ECT2L: variants seen among roughly 807,000 people sequenced by gnomAD.
ECT2L encodes the protein epithelial cell-transforming sequence 2 oncogene-like.
Under a neutral mutation model 122.8 loss-of-function variants are expected in ECT2L, and 126 were observed. That is an observed-to-expected ratio of 1.03 (90% CI 0.89 to 1.19). ECT2L has a LOEUF of 1.19. Ranked by LOEUF, ECT2L falls within the 50% of genes most tolerant of loss-of-function variation. ECT2L has a pLI of 0.00. For missense variants in ECT2L, 1,012 were observed against 1,064.1 expected, an observed-to-expected ratio of 0.95 and a Z score of 0.68; for synonymous variants, 385 against 381.8, an observed-to-expected ratio of 1.01 and a Z score of -0.10.
At position 138,844,402 on chromosome 6, in the gene ECT2L, T is replaced by C. The variant is rs1465909558; in HGVS notation, c.596-10T>C. ...GTAATCAGCCCCGCCTGCTGTTCTT[T>C]GTTTTTCAGAGGAGTTATTCAAAGT... On this transcript the variant is annotated splice_polypyrimidine_tract_variant and intron_variant, in intron 6 of 21. Transcript: ENST00000541398. 6.2e-7 allele frequency: 1 copy of C among 1,612,206 alleles called. No homozygotes were observed. Among genetic ancestry groups the C allele is most frequent in the Admixed American group, 1.7e-5 (1 of 59,982 alleles).
At chr6:138,821,054 G>A (rs1483083368) in intron 4 of ECT2L, among the ~76,000 whole-genome samples, 1 of 152,210 alleles carries the variant, frequency 6.6e-6, no homozygotes, top group Non-Finnish European at 1.5e-5. Flanking sequence ...AGGCGTGGGT[G>A]ACCTGAAAGC....
chr6:138,800,596 T>G (rs1404119284), intron 1 of ECT2L, among the ~76,000 whole-genome samples: 1 of 152,238 alleles, frequency 6.6e-6, no homozygotes, highest in African/African-American at 2.4e-5. Context: ...TAAGCTTATT[T>G]TACCATATGA....
At chr6:138,862,223 G>A (rs1030458138) in intron 10 of ECT2L, among the ~76,000 whole-genome samples, 2 of 152,184 alleles carry the variant, frequency 1.3e-5, no homozygotes, top group African/African-American at 2.4e-5. Context: ...AAAGAGAAGA[G>A]GTTTAATTAC....
At chr6:138,900,146 AAT>A (rs1362414617) in intron 20 of ECT2L, among the ~76,000 whole-genome samples, 1 of 152,218 alleles carries the variant, frequency 6.6e-6, no homozygotes, top group East Asian at 1.9e-4. Flanking sequence ...CAAAAGTAAA[AAT>A]GTTTATATTT....
chr6:138,895,249 A>C (rs1779169147), intron 20 of ECT2L, among the ~76,000 whole-genome samples: 1 of 152,206 alleles, frequency 6.6e-6, no homozygotes, highest in Admixed American at 6.5e-5. Flanking sequence ...ACTTAGAGGA[A>C]ACATACTCTG....
chr6:138,859,230 T>C (rs576204034), intron 10 of ECT2L, among the ~76,000 whole-genome samples: 4 of 152,348 alleles, frequency 2.6e-5, no homozygotes, highest in South Asian at 2.1e-4. Context: ...ATCCGATCCA[T>C]GTATCAGTAT....
In ECT2L at chr6:138,813,415, T is replaced by C. The variant is rs1273582323; in HGVS notation, c.66+75T>C. ...TTCCTGTGATATATTGGGTCTCATG[T>C]TGCCACATTTTTAAAGAAAAACTCT... On this transcript the variant is annotated intron_variant, in intron 3 of 21. Transcript: ENST00000541398. The C allele has an allele frequency of 2.6e-6, 3 of 1,136,210 alleles. 1 individual carries two copies. In the South Asian group the frequency reaches 4.4e-5, roughly 17 times the overall value. The allele number at this position is 1,136,210 out of a possible 1,614,324, so 70.4% of individuals were successfully genotyped here. A position where few individuals can be genotyped will look rare whatever the true frequency, so the allele number is the denominator to read the frequency against.
intron 13 of ECT2L, among the ~76,000 whole-genome samples, chr6:138,870,897 C>T (rs1433613512): frequency 6.6e-6 from 1 of 152,022 alleles, no homozygotes; most frequent in Non-Finnish European, 1.5e-5. Flanking sequence ...ATCCCAGCTA[C>T]TCAGGAGGCT....
At chr6:138,869,822 C>A (rs10457680) in intron 13 of ECT2L, among the ~76,000 whole-genome samples, 41,750 of 152,148 alleles carry the variant, frequency 0.27, 6,730 homozygotes, top group Admixed American at 0.38. Flanking sequence ...TCTTCCTCCC[C>A]CTGAAAGACA....
At chr6:138,873,894 G>GTA (rs1554277007) in intron 13 of ECT2L, among the ~76,000 whole-genome samples, 5 of 145,816 alleles carry the variant, frequency 3.4e-5, no homozygotes, top group Middle Eastern at 3.3e-3. Context: ...GTGTGTGTGT[G>GTA]TGTGTGTGTG....
At chr6:138,875,784 A>G (rs575063653) in intron 13 of ECT2L, among the ~76,000 whole-genome samples, 117 of 152,274 alleles carry the variant, frequency 7.7e-4, no homozygotes, top group Non-Finnish European at 9.6e-4. Context: ...AAAATAACCT[A>G]TTTGCCCTCA....
At chr6:138,864,002 TAAAAAAAA>T (rs1172466449) in intron 11 of ECT2L, among the ~76,000 whole-genome samples, 9 of 55,872 alleles carry the variant, frequency 1.6e-4, no homozygotes, top group Admixed American at 1.3e-3. Context: ...TCTCCGTATT[TAAAAAAAA>T]AAAAAAAAAA....
At chr6:138,843,331 A>G in intron 6 of ECT2L, 100 bp downstream of exon 6, 1 of 1,208,238 alleles carries the variant, frequency 8.3e-7, no homozygotes, top group Non-Finnish European at 1.1e-6. Context: ...CTTTCGGAAT[A>G]CTCTGAGTGG....
At chr6:138,882,696 T>C in intron 15 of ECT2L, 28 bp from the exon 16 acceptor site, 1 of 1,609,540 alleles carries the variant, frequency 6.2e-7, no homozygotes, top group Non-Finnish European at 8.5e-7. Flanking sequence ...AGTGAATATT[T>C]CATGCTTATG....
At chr6:138,856,006 C>T (rs1777598058) in intron 10 of ECT2L, among the ~76,000 whole-genome samples, 1 of 152,112 alleles carries the variant, frequency 6.6e-6, no homozygotes, top group African/African-American at 2.4e-5. Flanking sequence ...ATTCTGGGCC[C>T]CGAAATTCTC....
chr6:138,854,132 C>T lies in ECT2L; in HGVS notation c.1176C>T (p.Phe392=). The change falls in exon 10 of 22, where the codon TTC becomes TTT. Residue 392 remains phenylalanine (F), a synonymous_variant. Transcript: ENST00000541398. ...ATEEEGGHVD[F]FVPLGASEAG... Reference sequence around the variant, plus strand: ...AAGAAGAAGGGGGTCACGTGGACTTCTTCGTGCCCCTTGGAGCATCAGGTT... The same window carrying T: ...AAGAAGAAGGGGGTCACGTGGACTTTTTCGTGCCCCTTGGAGCATCAGGTT... The T allele has an allele frequency of 6.2e-7, 1 of 1,613,984 alleles. No individual in the cohort carries two copies. The highest frequency in any genetic ancestry group is 8.5e-7 in the Non-Finnish European group (1 of 1,179,936).
intron 4 of ECT2L, among the ~76,000 whole-genome samples, chr6:138,833,823 T>TTAA (rs1554271293): frequency 2.7e-5 from 4 of 150,152 alleles, no homozygotes; most frequent in East Asian, 3.9e-4. Flanking sequence ...AATAAATAAT[T>TTAA]AAAAAAAAAT....
intron 15 of ECT2L, among the ~76,000 whole-genome samples, chr6:138,881,879 C>T (rs527942815): frequency 4.5e-4 from 68 of 152,256 alleles, no homozygotes; most frequent in African/African-American, 1.6e-3. Flanking sequence ...AGCCTGGTTC[C>T]TAACAGGCCA....
In ECT2L at chr6:138,881,448, G is replaced by C. The variant is rs894893870; in HGVS notation, c.1880+277G>C. 1.5e-4 allele frequency among the ~76,000 whole-genome samples: 23 copies of C among 151,990 alleles called. 1 individual carries two copies. Among genetic ancestry groups the C allele is most frequent in the Admixed American group, 1.3e-4 (2 of 15,246 alleles). Reference sequence around the variant, plus strand: ...TGATCCCCAACCTTTTTGGCACCAGGAACCAGTTTCATGGAAGACAATATT... The same window carrying C: ...TGATCCCCAACCTTTTTGGCACCAGCAACCAGTTTCATGGAAGACAATATT... On this transcript the variant is annotated intron_variant, in intron 15 of 21. Transcript: ENST00000541398.
Sources: gnomAD v4.1 joint callset for allele counts (sites outside exome capture counted in the v4.1 genomes callset) on GRCh38, gnomAD v4.1.1 for gene constraint, MANE v1.5 for transcripts, NCBI Gene and HGNC (gene_info 2026-07-23, HGNC 2026-07-21) for gene names.